Variants in HGSNAT observed in about 807,000 individuals in gnomAD.
HGSNAT encodes transmembrane protein 76.
A neutral mutation model predicts 85.2 loss-of-function variants in HGSNAT; 59 were observed. That is an observed-to-expected ratio of 0.69 (90% CI 0.56 to 0.86). HGSNAT has a LOEUF of 0.86. Ranked by LOEUF, HGSNAT falls within the 40% of genes least tolerant of loss-of-function variation. The pLI, the probability that HGSNAT is intolerant of heterozygous loss-of-function variation, is 0.00. For missense variants in HGSNAT, 756 were observed against 777.1 expected (o/e 0.97, Z 0.32); for synonymous variants, 321 against 304.5 (o/e 1.05, Z -0.56).
intron 10 of HGSNAT, among the ~76,000 whole-genome samples, chr8:43,179,558 G>C (rs1803965151): frequency 8.0e-6 from 1 of 124,932 alleles, no homozygotes; most frequent in Non-Finnish European, 1.7e-5. Context: ...CTCCCTCCCG[G>C]ACGGGGCGGC....
intron 11 of HGSNAT, among the ~76,000 whole-genome samples, chr8:43,189,882 C>T (rs1311324149): frequency 2.6e-5 from 4 of 152,190 alleles, no homozygotes; most frequent in East Asian, 3.9e-4. Context: ...CGGGAGCCAC[C>T]GCGTCTGGCC....
At chr8:43,194,064 TA>T in intron 14 of HGSNAT, 1 of 1,319,332 alleles carries the variant, frequency 7.6e-7, no homozygotes, top group Non-Finnish European at 9.7e-7. Context: ...AAAAAATTCT[TA>T]CTTATATGGC....
chr8:43,182,599 A>G (rs1351546293), intron 11 of HGSNAT, among the ~76,000 whole-genome samples: 1 of 151,914 alleles, frequency 6.6e-6, no homozygotes, highest in African/African-American at 2.4e-5. Flanking sequence ...GCGCACCACC[A>G]TGCCTGGCTA....
intron 11 of HGSNAT, among the ~76,000 whole-genome samples, chr8:43,184,308 A>G (rs911621599): frequency 9.9e-5 from 15 of 151,900 alleles, no homozygotes; most frequent in African/African-American, 3.6e-4. Context: ...TTGTTTCCTG[A>G]CTTTTTAATG....
chr8:43,184,577 T>G (rs950305464), intron 11 of HGSNAT, among the ~76,000 whole-genome samples: 30 of 152,238 alleles, frequency 2.0e-4, no homozygotes, highest in Non-Finnish European at 4.0e-4. Context: ...TTTCTCCCAT[T>G]CTGTAGGTTG....
intron 14 of HGSNAT, among the ~76,000 whole-genome samples, chr8:43,195,096 A>G (rs1804661639): frequency 6.6e-6 from 1 of 152,108 alleles, no homozygotes; most frequent in African/African-American, 2.4e-5. Context: ...ATGATTTTAA[A>G]TTTAGATGGT....
intron 17 of HGSNAT, among the ~76,000 whole-genome samples, chr8:43,198,577 G>A (rs1031261659): frequency 8.6e-5 from 13 of 151,706 alleles, no homozygotes; most frequent in Admixed American, 3.9e-4. Flanking sequence ...GTGAGCCACC[G>A]TGCCCAGCCT....
intron 6 of HGSNAT, 36 bp downstream of exon 6, chr8:43,169,278 G>A (rs1175023373): frequency 1.5e-6 from 2 of 1,349,260 alleles, no homozygotes; most frequent in South Asian, 1.4e-5. Flanking sequence ...TGCCCAGGTG[G>A]TTTTCTAAAC....
intron 8 of HGSNAT, among the ~76,000 whole-genome samples, chr8:43,172,717 T>C (rs968141458): frequency 3.3e-5 from 5 of 152,232 alleles, no homozygotes; most frequent in Non-Finnish European, 7.3e-5. Flanking sequence ...ATGCCTTCTA[T>C]TACAGCCACC....
intron 11 of HGSNAT, among the ~76,000 whole-genome samples, chr8:43,190,730 T>A (rs184606241): frequency 1.0e-3 from 156 of 152,370 alleles, no homozygotes; most frequent in African/African-American, 3.5e-3. Flanking sequence ...ATTTTATTTT[T>A]AAATTTTAAA....
At position 43,196,665 on chromosome 8, in the gene HGSNAT, C is replaced by T. The variant is rs972147498; in HGVS notation, c.1465-283C>T. The T allele has an allele frequency of 4.5e-6, 3 of 665,012 alleles. No homozygotes were observed. The African/African-American group carries it at 5.4e-5, about 12-fold the overall frequency. The allele number at this position is 665,012 out of a possible 1,614,324, so 41.2% of individuals were successfully genotyped here. ...GCTGCCCCATTCTGCTCAGGAGCCT[C>T]TTCCTGCGGGGACCCTCTGGTGCTC... On this transcript the variant is annotated intron_variant, in intron 14 of 17. Coordinates refer to ENST00000379644, the MANE Select transcript of HGSNAT (RefSeq NM_152419.3).
At position 43,191,479 on chromosome 8, in the gene HGSNAT, G is replaced by GAGCT; in HGVS notation, c.1135_1138dup (p.Cys380Ter). The GAGCT allele has an allele frequency of 6.2e-7, 1 of 1,613,440 alleles. No homozygotes were observed. The highest frequency in any genetic ancestry group is 1.1e-5 in the South Asian group (1 of 91,076). On this transcript the variant is annotated frameshift_variant, in exon 12 of 18. Coordinates refer to ENST00000379644, the MANE Select transcript of HGSNAT (RefSeq NM_152419.3). LOFTEE classifies it high-confidence loss of function. ...ATTTTTCTGCCCCCACTCAGGAGAG[G>GAGCT]AGCTGCCTTTCTCTTCGAGACATCA...
In HGSNAT at chr8:43,191,614, G is replaced by T; in HGVS notation, c.1250+19G>T. 1 of 1,612,754 alleles carries T rather than the reference G, an allele frequency of 6.2e-7. No individual in the cohort carries two copies. Among genetic ancestry groups the T allele is most frequent in the South Asian group, 1.1e-5 (1 of 91,072 alleles). ...GCCCTACGTAAGCGAACCCCTGGGG[G>T]TCATCCCTTGTGCATGTCCTGTTCT... On this transcript the variant is annotated intron_variant, in intron 12 of 17. Coordinates refer to ENST00000379644, the MANE Select transcript of HGSNAT (RefSeq NM_152419.3).
intron 10 of HGSNAT, 33 bp from the exon 11 acceptor site, chr8:43,182,112 G>C (rs962503957): frequency 6.5e-7 from 1 of 1,528,290 alleles, no homozygotes. Context: ...AGAAGTCCTG[G>C]CTAACACTTG....
chr8:43,182,052 G>A, intron 10 of HGSNAT, 93 bp from the exon 11 acceptor site: 1 of 910,094 alleles, frequency 1.1e-6, no homozygotes, highest in South Asian at 1.3e-5. Flanking sequence ...ATGCAATATA[G>A]GTATGTCTTC....
At position 43,170,710 on chromosome 8, in the gene HGSNAT, T is replaced by A; in HGVS notation, c.743+16T>A. The A allele has an allele frequency of 6.6e-7, 1 of 1,514,894 alleles. No homozygotes were observed. Among genetic ancestry groups the A allele is most frequent in the Non-Finnish European group, 9.0e-7 (1 of 1,109,312 alleles). The allele number at this position is 1,514,894 out of a possible 1,614,324, so 93.8% of individuals were successfully genotyped here. On this transcript the variant is annotated intron_variant, in intron 7 of 17. Coordinates refer to ENST00000379644, the MANE Select transcript of HGSNAT (RefSeq NM_152419.3). The stretch of plus-strand genomic sequence containing the variant: ...CCTTCAGGGGGTATGTGGGCCTCCC[T>A]GTAGCACAGTGGGTGCAGGTAGTCA...
intron 5 of HGSNAT, among the ~76,000 whole-genome samples, chr8:43,166,875 A>G (rs1042194567): frequency 1.3e-5 from 2 of 152,240 alleles, no homozygotes; most frequent in Admixed American, 6.5e-5. Context: ...TGTAGATGCC[A>G]TTAAGAAATT....
intron 5 of HGSNAT, among the ~76,000 whole-genome samples, chr8:43,167,635 A>G (rs1014425978): frequency 1.3e-5 from 2 of 152,142 alleles, no homozygotes; most frequent in Admixed American, 6.6e-5. Context: ...GAGTCACTGT[A>G]TTGTGATATT....
chr8:43,153,269 C>A (rs890712758), intron 2 of HGSNAT, among the ~76,000 whole-genome samples: 2 of 151,974 alleles, frequency 1.3e-5, no homozygotes, highest in Non-Finnish European at 2.9e-5. Flanking sequence ...TTACTGTATA[C>A]CATGTATCAA....
Sources: gnomAD v4.1 joint callset for allele counts (sites outside exome capture counted in the v4.1 genomes callset) on GRCh38, gnomAD v4.1.1 for gene constraint, MANE v1.5 for transcripts, NCBI Gene and HGNC (gene_info 2026-07-23, HGNC 2026-07-21) for gene names.